The following CSPP1 variants were observed in gnomAD, a reference collection of about 807,000 sequenced individuals.
CSPP1 encodes centrosome and spindle pole associated protein 1.
In CSPP1, 126 loss-of-function variants were observed where a neutral mutation model predicts 164.4. The ratio of observed to expected loss-of-function variants is 0.77; its 90% CI spans 0.66 to 0.89. The LOEUF (loss-of-function observed/expected upper bound fraction) is 0.89, where lower values mean the gene tolerates loss of function less well. Among genes scored for constraint, CSPP1 ranks in the 40% least tolerant of loss-of-function variants. The pLI, the probability that CSPP1 is intolerant of heterozygous loss-of-function variation, is 0.00. For synonymous variants in CSPP1, 472 were observed against 476.7 expected (o/e 0.99, Z 0.13); for missense variants, 1,395 against 1,449.8 (o/e 0.96, Z 0.61).
At chr8:67,141,142 C>T (rs930354769) in intron 17 of CSPP1, among the ~76,000 whole-genome samples, 2 of 152,080 alleles carry the variant, frequency 1.3e-5, no homozygotes, top group Admixed American at 1.3e-4. Flanking sequence ...TAAAATCTTA[C>T]CTCTAAGATT....
chr8:67,088,786 A>G (rs1022478299), intron 4 of CSPP1, among the ~76,000 whole-genome samples: 1 of 151,078 alleles, frequency 6.6e-6, no homozygotes, highest in Non-Finnish European at 1.5e-5. Context: ...AGTCCCAGCT[A>G]CTCGGGAGGC....
chr8:67,065,438 TAA>T (rs756222365), intron 1 of CSPP1: 1 of 629,524 alleles, frequency 1.6e-6, no homozygotes, highest in East Asian at 1.4e-4. Flanking sequence ...TGCAGGGGCT[TAA>T]AAGCAACCGA....
At position 67,078,692 on chromosome 8, in the gene CSPP1, T is replaced by G. The variant is rs559954638; in HGVS notation, c.199+2111T>G. On this transcript the variant is annotated intron_variant, in intron 3 of 30. Transcript: ENST00000678616. ...TCTTTTTAAAAGTAGTTTTTCGGGC[T>G]GGGCGTGGTGGCTCACACCTGTAAT... Among the ~76,000 whole-genome samples the G allele has an allele frequency of 2.0e-5, 3 of 148,268 alleles. No individual in the cohort carries two copies. The East Asian group carries it at 6.8e-4, about 34-fold the overall frequency.
At chr8:67,159,913 TTTCTTTCTTTCCTTTCCTTCC>T (rs1586612508) in intron 21 of CSPP1, among the ~76,000 whole-genome samples, 3 of 58,778 alleles carry the variant, frequency 5.1e-5, no homozygotes, top group East Asian at 4.5e-4. Flanking sequence ...TCTTTCTTTC[TTTCTTTCTTTCCTTTCCTTCC>T]TTCCTTCCTT....
At chr8:67,151,357 A>T (rs1825652505) in intron 18 of CSPP1, among the ~76,000 whole-genome samples, 1 of 152,186 alleles carries the variant, frequency 6.6e-6, no homozygotes, top group Admixed American at 6.5e-5. Context: ...TATTGCTGCT[A>T]AGAGAATTTT....
intron 8 of CSPP1, among the ~76,000 whole-genome samples, chr8:67,104,966 A>ATATAT (rs1247108884): frequency 1.6e-5 from 1 of 60,746 alleles, no homozygotes; most frequent in African/African-American, 6.9e-5. Flanking sequence ...ATATATATAT[A>ATATAT]TTTTTTTTTT....
intron 2 of CSPP1, 101 bp from the exon 3 acceptor site, chr8:67,076,381 T>G: frequency 1.8e-6 from 1 of 568,112 alleles, no homozygotes; most frequent in Non-Finnish European, 3.0e-6. Flanking sequence ...TATGATGTAC[T>G]GTGTAATTTC....
chr8:67,104,035 T>A (rs1250038361), intron 8 of CSPP1, among the ~76,000 whole-genome samples: 1 of 152,074 alleles, frequency 6.6e-6, no homozygotes, highest in Non-Finnish European at 1.5e-5. Flanking sequence ...CTACTTACAG[T>A]TTTTTATCAT....
chr8:67,110,498 G>A (rs1490113585), intron 9 of CSPP1, among the ~76,000 whole-genome samples: 1 of 151,786 alleles, frequency 6.6e-6, no homozygotes. Flanking sequence ...TTAGTTTGTT[G>A]CCAGGCCAAA....
chr8:67,086,054 A>C lies in CSPP1; in HGVS notation c.247A>C (p.Lys83Gln). The change falls in exon 4 of 31, where the codon AAG (lysine) becomes CAG (glutamine). Residue 83 changes from lysine (K) to glutamine (Q), a missense_variant. Physicochemically the swap from Lys to Gln is moderately conservative, Grantham distance 53. Coordinates refer to ENST00000678616, the MANE Select transcript of CSPP1 (RefSeq NM_001382391.1). Reference protein sequence around the residue: ...SLPLGEDYERKKHKLKEELRQ... With the variant: ...SLPLGEDYERQKHKLKEELRQ... ...ACCACTTGGAGAAGACTATGAACGG[A>C]AGAAACATAAATTAAAAGAAGAATT... 6.5e-7 allele frequency: 1 copy of C among 1,537,002 alleles called. No homozygotes were observed. Among genetic ancestry groups the C allele is most frequent in the Non-Finnish European group, 9.0e-7 (1 of 1,109,896 alleles).
intron 29 of CSPP1, among the ~76,000 whole-genome samples, chr8:67,192,573 G>A (rs1836672230): frequency 6.6e-6 from 1 of 151,964 alleles, no homozygotes; most frequent in Non-Finnish European, 1.5e-5. Context: ...TCTTTCTTGG[G>A]CTTTTGGTGT....
chr8:67,074,591 A>C (rs1476185244), intron 2 of CSPP1, among the ~76,000 whole-genome samples: 3 of 152,204 alleles, frequency 2.0e-5, no homozygotes. Flanking sequence ...TTGGTTATAA[A>C]ATGATTATGA....
At chr8:67,142,901 T>C (rs2129556342) in intron 17 of CSPP1, among the ~76,000 whole-genome samples, 1 of 152,322 alleles carries the variant, frequency 6.6e-6, no homozygotes, top group African/African-American at 2.4e-5. Flanking sequence ...GCTTTTTCTA[T>C]TGTGAAATTA....
chr8:67,182,864 A>G (rs553329070), intron 28 of CSPP1, among the ~76,000 whole-genome samples: 3 of 152,308 alleles, frequency 2.0e-5, no homozygotes, highest in East Asian at 3.9e-4. Flanking sequence ...GTTCTTTATT[A>G]TCTATTCTGG....
intron 25 of CSPP1, chr8:67,173,493 T>A (rs927690111): frequency 2.0e-5 from 3 of 152,180 alleles, no homozygotes; most frequent in African/African-American, 7.2e-5. Context: ...GCCAGAAAAC[T>A]GGAATTTAGG....
Position 67,095,584 on chromosome 8 carries a change from A to G in CSPP1, c.775A>G (p.Arg259Gly). Residue 259 changes from arginine (R) to glycine (G), a missense_variant, in exon 7 of 31, where the codon AGA becomes GGA. By Grantham distance (125) the Arg-to-Gly change is moderately radical. Coordinates refer to ENST00000678616, the MANE Select transcript of CSPP1 (RefSeq NM_001382391.1). The part of the protein sequence containing the change: ...FASKAGIPDR[R>G]FHRFNEDRVF... ...AAGCAAGGCTGGCATTCCAGATAGA[A>G]GATTTCACAGATTTAATGAGGATCG... The G allele has an allele frequency of 2.5e-6, 4 of 1,614,050 alleles. No individual in the cohort carries two copies. Among genetic ancestry groups the G allele is most frequent in the East Asian group, 2.2e-5 (1 of 44,860 alleles).
chr8:67,117,581 A>G (rs895017486), intron 13 of CSPP1, among the ~76,000 whole-genome samples: 5 of 152,240 alleles, frequency 3.3e-5, no homozygotes, highest in Admixed American at 6.5e-5. Context: ...GATTGTGTCA[A>G]TACTTTACTG....
chr8:67,172,493 CT>C lies in CSPP1; in HGVS notation c.2907del (p.Lys970ArgfsTer3). 1 of 1,613,716 alleles carries C rather than the reference CT, an allele frequency of 6.2e-7. No individual in the cohort carries two copies. Among genetic ancestry groups the C allele is most frequent in the Non-Finnish European group, 8.5e-7 (1 of 1,179,646 alleles). ...CAAGCTCCTGTCAGAAGACAGTCCCCTAAGGGCTTAGACGCTGCCACTTTTC... is the reference window on the plus strand; with the variant it reads ...CAAGCTCCTGTCAGAAGACAGTCCCCAAGGGCTTAGACGCTGCCACTTTTC... ...RLQAPVRRQS[P>X]KGLDAATFQN... On this transcript the variant is annotated frameshift_variant, in exon 25 of 31. Transcript: ENST00000678616. LOFTEE classifies it high-confidence loss of function.
intron 30 of CSPP1, among the ~76,000 whole-genome samples, chr8:67,193,925 CATT>C (rs1837136067): frequency 6.6e-6 from 1 of 152,188 alleles, no homozygotes; most frequent in Non-Finnish European, 1.5e-5. Context: ...TAAAGTAAAA[CATT>C]ATTAGAAATT....
Sources: gnomAD v4.1 joint callset for allele counts (sites outside exome capture counted in the v4.1 genomes callset) on GRCh38, gnomAD v4.1.1 for gene constraint, MANE v1.5 for transcripts, NCBI Gene and HGNC (gene_info 2026-07-23, HGNC 2026-07-21) for gene names.